TMEM184B: variants seen among roughly 807,000 people sequenced by gnomAD.
The protein encoded by TMEM184B is putative MAPK-activating protein FM08.
Under a neutral mutation model 41.8 loss-of-function variants are expected in TMEM184B, and 17 were observed. The ratio of observed to expected loss-of-function variants is 0.41; its 90% confidence interval spans 0.28 to 0.61. The LOEUF (loss-of-function observed/expected upper bound fraction) is 0.61, where lower values mean the gene tolerates loss of function less well. TMEM184B is among the 20% of genes least tolerant of loss of function. TMEM184B has a pLI of 0.34. For synonymous variants in TMEM184B, 240 were observed against 229.5 expected (o/e 1.05, Z -0.41); for missense variants, 393 against 557.8 (o/e 0.70, Z 2.98).
chr22:38,224,304 C>T (rs896759242), intron 8 of TMEM184B, among the ~76,000 whole-genome samples: 6 of 152,132 alleles, frequency 3.9e-5, no homozygotes, highest in African/African-American at 1.4e-4. Flanking sequence ...TTAGTAGAGA[C>T]AGGGTTTCAC....
intron 1 of TMEM184B, among the ~76,000 whole-genome samples, chr22:38,263,288 A>G (rs911321750): frequency 6.6e-5 from 10 of 152,142 alleles, no homozygotes; most frequent in African/African-American, 1.7e-4. Context: ...GCAATCTCCC[A>G]TGACCAGCAC....
intron 1 of TMEM184B, among the ~76,000 whole-genome samples, chr22:38,269,242 G>C (rs1181152283): frequency 6.6e-6 from 1 of 152,188 alleles, no homozygotes; most frequent in African/African-American, 2.4e-5. Flanking sequence ...TTTTAAGACG[G>C]AGTCTTGTTC....
intron 3 of TMEM184B, among the ~76,000 whole-genome samples, chr22:38,243,312 G>A (rs1452927772): frequency 1.3e-5 from 2 of 152,218 alleles, no homozygotes; most frequent in Non-Finnish European, 2.9e-5. Flanking sequence ...GGGGCACGGA[G>A]TGAGAGTGAA....
At chr22:38,247,074 G>A (rs1020732169) in intron 2 of TMEM184B, among the ~76,000 whole-genome samples, 1 of 152,174 alleles carries the variant, frequency 6.6e-6, no homozygotes. Flanking sequence ...GCCCGTCCCA[G>A]CCCACATCAG....
At chr22:38,254,098 G>A (rs1235400980) in intron 1 of TMEM184B, among the ~76,000 whole-genome samples, 1 of 151,684 alleles carries the variant, frequency 6.6e-6, no homozygotes, top group African/African-American at 2.4e-5. Context: ...CTACTCAGGA[G>A]GCTGAGGCAG....
chr22:38,236,621 C>CT (rs945598309), intron 3 of TMEM184B, among the ~76,000 whole-genome samples: 3 of 152,030 alleles, frequency 2.0e-5, no homozygotes, highest in Non-Finnish European at 2.9e-5. Context: ...GTAGCTGGGA[C>CT]TACAGGTGTG....
At chr22:38,240,293 C>T (rs1407953194) in intron 3 of TMEM184B, among the ~76,000 whole-genome samples, 4 of 151,746 alleles carry the variant, frequency 2.6e-5, no homozygotes, top group Non-Finnish European at 5.9e-5. Context: ...AAGAACAAGG[C>T]ATCATAAAGA....
intron 3 of TMEM184B, among the ~76,000 whole-genome samples, chr22:38,242,834 C>T (rs2091942109): frequency 6.6e-6 from 1 of 152,106 alleles, no homozygotes; most frequent in Non-Finnish European, 1.5e-5. Flanking sequence ...GAGGCCAAGG[C>T]GGGCAGATCA....
chr22:38,238,795 G>C (rs2091842432), intron 3 of TMEM184B, among the ~76,000 whole-genome samples: 1 of 152,190 alleles, frequency 6.6e-6, no homozygotes, highest in African/African-American at 2.4e-5. Flanking sequence ...CTAGGATTCA[G>C]AGACCCAGCT....
chr22:38,250,772 G>A (rs1215329268), intron 1 of TMEM184B, among the ~76,000 whole-genome samples: 1 of 152,200 alleles, frequency 6.6e-6, no homozygotes, highest in African/African-American at 2.4e-5. Context: ...AGGCAGAGGG[G>A]CAACCCCAGA....
At chr22:38,267,391 C>A (rs2092458585) in intron 1 of TMEM184B, among the ~76,000 whole-genome samples, 1 of 152,010 alleles carries the variant, frequency 6.6e-6, no homozygotes, top group Non-Finnish European at 1.5e-5. Context: ...GTGAGCACCA[C>A]CGGCTCCTGG....
intron 1 of TMEM184B, among the ~76,000 whole-genome samples, chr22:38,264,642 G>C (rs2092418767): frequency 1.3e-5 from 2 of 152,154 alleles, no homozygotes; most frequent in Non-Finnish European, 2.9e-5. Context: ...CATCAAGCCA[G>C]GGAGTTGAGG....
intron 3 of TMEM184B, among the ~76,000 whole-genome samples, chr22:38,243,238 G>T (rs2091953607): frequency 6.6e-6 from 1 of 152,154 alleles, no homozygotes; most frequent in Non-Finnish European, 1.5e-5. Context: ...GTCAGGGCAG[G>T]CGGGGCCTGA....
chr22:38,255,031 T>C (rs1175951913), intron 1 of TMEM184B, among the ~76,000 whole-genome samples: 1 of 151,920 alleles, frequency 6.6e-6, no homozygotes, highest in Non-Finnish European at 1.5e-5. Context: ...TTTTTATTTA[T>C]TTATTTTTTT....
chr22:38,236,202 G>C (rs1182006764), intron 3 of TMEM184B, among the ~76,000 whole-genome samples: 2 of 152,194 alleles, frequency 1.3e-5, no homozygotes. Context: ...TCCATCGTTG[G>C]AATGAGAGTA....
intron 1 of TMEM184B, among the ~76,000 whole-genome samples, chr22:38,261,794 C>A (rs532926417): frequency 5.0e-4 from 76 of 152,328 alleles, no homozygotes; most frequent in African/African-American, 1.8e-3. Flanking sequence ...CCCATGGGAG[C>A]AGGCTGTCTA....
Position 38,226,982 on chromosome 22 carries a change from G to A in TMEM184B, c.526-112C>T. ...GGATGGAGGGACAGAGAGGATGAAG[G>A]AGACGGAGAGGACGGAGGGATGGAG... On this transcript the variant is annotated intron_variant, in intron 5 of 8. Transcript: ENST00000361906. This position sits in a 1 kb window ranked among gnomAD's most constrained non-coding sequence, Gnocchi z 4.6. 1.8e-6 allele frequency: 2 copies of A among 1,109,724 alleles called. No homozygotes were observed. The highest frequency in any genetic ancestry group is 2.6e-6 in the Non-Finnish European group (2 of 760,086). 68.7% of individuals were successfully genotyped at this position (1,109,724 alleles called of 1,614,324 possible). A position where few individuals can be genotyped will look rare whatever the true frequency, so the allele number is the denominator to read the frequency against.
intron 1 of TMEM184B, among the ~76,000 whole-genome samples, chr22:38,264,564 G>A (rs1233391155): frequency 6.6e-6 from 1 of 152,140 alleles, no homozygotes; most frequent in East Asian, 1.9e-4. Context: ...CACTCAGCTG[G>A]CTCTGCTCCT....
At chr22:38,264,376 C>T (rs1298106107) in intron 1 of TMEM184B, among the ~76,000 whole-genome samples, 2 of 151,840 alleles carry the variant, frequency 1.3e-5, no homozygotes, top group Admixed American at 1.3e-4. Context: ...TCTCCCCAGG[C>T]GCCCATGAAG....
Sources: gnomAD v4.1 joint callset for allele counts (sites outside exome capture counted in the v4.1 genomes callset) on GRCh38, gnomAD v4.1.1 for gene constraint, Gnocchi (gnomAD v3.1) non-coding constraint, MANE v1.5 for transcripts, NCBI Gene and HGNC (gene_info 2026-07-23, HGNC 2026-07-21) for gene names.